The following CADM2 variants were observed in gnomAD, a reference collection of about 807,000 sequenced individuals.
The protein encoded by CADM2 is cell adhesion molecule 2.
CADM2 carries 12 observed loss-of-function variants against 49.8 expected under a neutral mutation model. The ratio of observed to expected loss-of-function variants is 0.24; its 90% CI spans 0.15 to 0.39. CADM2 has a LOEUF of 0.39. CADM2 is among the 10% of genes least tolerant of loss of function. The pLI is 1.00. For synonymous variants in CADM2, 214 were observed against 175.4 expected (o/e 1.22, Z -1.74); for missense variants, 378 against 492.3 (o/e 0.77, Z 2.20).
chr3:85,127,753 G>A (rs965204020), intron 1 of CADM2, among the ~76,000 whole-genome samples: 2 of 152,064 alleles, frequency 1.3e-5, no homozygotes, highest in African/African-American at 4.8e-5. Flanking sequence ...GATTGATTTA[G>A]GTGATACATG....
intron 1 of CADM2, among the ~76,000 whole-genome samples, chr3:85,665,191 T>C (rs1343761229): frequency 6.6e-6 from 1 of 151,992 alleles, no homozygotes; most frequent in Non-Finnish European, 1.5e-5. Context: ...ACATTGTACA[T>C]GCTCAGTCAT....
At chr3:86,063,101 G>A (rs1419204441) in intron 8 of CADM2, among the ~76,000 whole-genome samples, 1 of 151,852 alleles carries the variant, frequency 6.6e-6, no homozygotes, top group South Asian at 2.1e-4. Context: ...TTTTCACCTC[G>A]TTTCCTTTAC....
chr3:85,386,288 T>C (rs374451162), intron 1 of CADM2, among the ~76,000 whole-genome samples: 17 of 152,268 alleles, frequency 1.1e-4, no homozygotes, highest in East Asian at 3.9e-4. Context: ...TAGGTAGAGA[T>C]TGTAGGGAAC....
At chr3:85,433,324 A>T (rs999240104) in intron 1 of CADM2, among the ~76,000 whole-genome samples, 5 of 152,022 alleles carry the variant, frequency 3.3e-5, no homozygotes, top group Admixed American at 3.3e-4. Flanking sequence ...GTATATATTC[A>T]TTTATCTTTG....
At chr3:85,371,547 G>C (rs1368504231) in intron 1 of CADM2, among the ~76,000 whole-genome samples, 2 of 150,430 alleles carry the variant, frequency 1.3e-5, no homozygotes, top group African/African-American at 4.9e-5. Context: ...CTTTACACAA[G>C]AACAAGAACA....
chr3:85,709,098 A>C (rs2067036814), intron 1 of CADM2, among the ~76,000 whole-genome samples: 2 of 152,148 alleles, frequency 1.3e-5, no homozygotes, highest in South Asian at 4.1e-4. Context: ...GTGAAAATTT[A>C]GGTCCCCAAA....
At chr3:85,046,359 A>T (rs1208031771) in intron 1 of CADM2, among the ~76,000 whole-genome samples, 4 of 139,656 alleles carry the variant, frequency 2.9e-5, no homozygotes, top group Non-Finnish European at 3.1e-5. Flanking sequence ...CCATGAATTC[A>T]TTGTGACCCC....
chr3:85,589,379 T>C (rs1415017786), intron 1 of CADM2, among the ~76,000 whole-genome samples: 1 of 151,868 alleles, frequency 6.6e-6, no homozygotes, highest in Non-Finnish European at 1.5e-5. Flanking sequence ...CGTGGTCCAA[T>C]AGAAAAGACA....
At chr3:85,503,175 TG>T (rs2040188859) in intron 1 of CADM2, among the ~76,000 whole-genome samples, 1 of 152,150 alleles carries the variant, frequency 6.6e-6, no homozygotes, top group African/African-American at 2.4e-5. Flanking sequence ...GAAAACTCAG[TG>T]GATGTTAAAA....
intron 1 of CADM2, among the ~76,000 whole-genome samples, chr3:85,258,252 T>A (rs2042934523): frequency 6.6e-6 from 1 of 152,120 alleles, no homozygotes; most frequent in South Asian, 2.1e-4. Context: ...CTTTGCAGCA[T>A]TAAGGAAAGC....
chr3:85,495,314 G>A (rs974614457), intron 1 of CADM2, among the ~76,000 whole-genome samples: 1 of 152,062 alleles, frequency 6.6e-6, no homozygotes. Context: ...AATCATAGGG[G>A]CAGATGGTTT....
chr3:86,013,677 G>A (rs1480314086), intron 8 of CADM2: 21 of 1,602,364 alleles, frequency 1.3e-5, no homozygotes, highest in Non-Finnish European at 1.8e-5. Flanking sequence ...AACTGTGTTG[G>A]TGGGGTTTGT....
chr3:84,986,231 T>C (rs1364561195), intron 1 of CADM2, among the ~76,000 whole-genome samples: 2 of 152,192 alleles, frequency 1.3e-5, no homozygotes, highest in African/African-American at 4.8e-5. Context: ...GACATTAAAT[T>C]TGTTCAGGCA....
At chr3:85,692,204 C>T (rs921692259) in intron 1 of CADM2, among the ~76,000 whole-genome samples, 3 of 152,090 alleles carry the variant, frequency 2.0e-5, no homozygotes, top group African/African-American at 7.2e-5. Flanking sequence ...TAGAGTTTTG[C>T]TAAAGGATTG....
At chr3:85,308,725 C>T (rs2044274723) in intron 1 of CADM2, among the ~76,000 whole-genome samples, 1 of 151,902 alleles carries the variant, frequency 6.6e-6, no homozygotes, top group South Asian at 2.1e-4. Context: ...TAAAGCAGAC[C>T]CATGTTCTAG....
chr3:86,035,099 T>A (rs1309821091), intron 8 of CADM2, among the ~76,000 whole-genome samples: 1 of 152,046 alleles, frequency 6.6e-6, no homozygotes, highest in Non-Finnish European at 1.5e-5. Context: ...ATCCAGACAA[T>A]AAAATCTTTA....
chr3:85,230,853 A>G lies in CADM2; in HGVS notation c.61+271185A>G, dbSNP rs1454590439. On this transcript the variant is annotated intron_variant, in intron 1 of 9. Transcript: ENST00000383699. ...ACCTTCTCATTACTGACAGGTAGATATAGGAGGAAAACTGTATGTTATTTT... is the reference window on the plus strand; with the variant it reads ...ACCTTCTCATTACTGACAGGTAGATGTAGGAGGAAAACTGTATGTTATTTT... Among the ~76,000 whole-genome samples the G allele has an allele frequency of 2.6e-5, 4 of 152,134 alleles. No homozygotes were observed. The South Asian group carries it at 6.2e-4, about 24-fold the overall frequency.
intron 1 of CADM2, among the ~76,000 whole-genome samples, chr3:85,602,793 C>T (rs2063445461): frequency 6.6e-6 from 1 of 151,812 alleles, no homozygotes; most frequent in Non-Finnish European, 1.5e-5. Flanking sequence ...CAGAGGTGTT[C>T]ATTCATGTTA....
intron 1 of CADM2, among the ~76,000 whole-genome samples, chr3:85,019,896 G>C (rs1333843057): frequency 6.6e-6 from 1 of 152,158 alleles, no homozygotes; most frequent in African/African-American, 2.4e-5. Context: ...CTAGTAGATA[G>C]ATTCTAAAAC....
Sources: allele counts gnomAD v4.1 joint callset (sites outside exome capture counted in the v4.1 genomes callset), GRCh38; gene constraint gnomAD v4.1.1; transcripts MANE v1.5; gene names NCBI Gene and HGNC (gene_info 2026-07-23, HGNC 2026-07-21).